DTNA: variants seen among roughly 807,000 people sequenced by gnomAD.
The protein encoded by DTNA is dystrophin-related protein 3.
Under a neutral mutation model 100.7 loss-of-function variants are expected in DTNA, and 43 were observed. The ratio of observed to expected loss-of-function variants is 0.43; its 90% CI spans 0.33 to 0.55. The LOEUF (loss-of-function observed/expected upper bound fraction) is 0.55, where lower values mean the gene tolerates loss of function less well. DTNA is among the 20% of genes least tolerant of loss of function. The pLI, the probability that DTNA is intolerant of heterozygous loss-of-function variation, is 0.04. For missense variants in DTNA, 798 were observed against 953.9 expected (o/e 0.84, Z 2.15); for synonymous variants, 349 against 347.9 (o/e 1.00, Z -0.04).
At chr18:34,696,889 T>C (rs889050990) in intron 1 of DTNA, among the ~76,000 whole-genome samples, 2 of 152,294 alleles carry the variant, frequency 1.3e-5, no homozygotes, top group Middle Eastern at 3.4e-3. Context: ...CCCACTTTAC[T>C]CTAAAGCAGT....
chr18:34,674,374 G>A (rs2077147548), intron 1 of DTNA, among the ~76,000 whole-genome samples: 2 of 152,184 alleles, frequency 1.3e-5, no homozygotes, highest in Non-Finnish European at 2.9e-5. Flanking sequence ...ACTGTGCTGT[G>A]TGTCAACAAA....
chr18:34,735,674 C>A (rs1568359070), intron 1 of DTNA, among the ~76,000 whole-genome samples: 1 of 152,098 alleles, frequency 6.6e-6, no homozygotes, highest in Non-Finnish European at 1.5e-5. Flanking sequence ...TTTCCCTGGA[C>A]CTAACATTTT....
intron 11 of DTNA, among the ~76,000 whole-genome samples, chr18:34,831,615 A>G (rs921460211): frequency 6.6e-6 from 1 of 152,182 alleles, no homozygotes; most frequent in African/African-American, 2.4e-5. Flanking sequence ...TAAAAATACA[A>G]AAGTTGGCCA....
intron 1 of DTNA, among the ~76,000 whole-genome samples, chr18:34,751,655 G>A (rs2092333307): frequency 6.6e-6 from 1 of 152,052 alleles, no homozygotes; most frequent in Non-Finnish European, 1.5e-5. Flanking sequence ...TTTTTCATCT[G>A]GAAAATTCCC....
intron 11 of DTNA, among the ~76,000 whole-genome samples, chr18:34,829,989 A>G (rs1189848587): frequency 6.6e-6 from 1 of 152,194 alleles, no homozygotes; most frequent in Non-Finnish European, 1.5e-5. Context: ...TTCCTAATGA[A>G]GTAACAATTT....
In DTNA at chr18:34,819,379, C is replaced by T. The variant is rs761172777; in HGVS notation, c.876+1049C>T. The stretch of plus-strand genomic sequence containing the variant: ...CAGTTCTTCACTAAGGAAGAGTATA[C>T]TGAGAACTTGCCAATTCCAATGCAA... On this transcript the variant is annotated intron_variant, in intron 8 of 22. Coordinates refer to ENST00000444659, the MANE Select transcript of DTNA (RefSeq NM_001386795.1). Among the ~76,000 whole-genome samples the T allele has an allele frequency of 7.2e-5, 11 of 152,296 alleles. 1 individual carries two copies. In the South Asian group the frequency reaches 1.0e-3, roughly 14 times the overall value.
At chr18:34,791,626 C>T (rs2094747405) in intron 3 of DTNA, among the ~76,000 whole-genome samples, 1 of 152,084 alleles carries the variant, frequency 6.6e-6, no homozygotes, top group African/African-American at 2.4e-5. Context: ...TTGATTAATT[C>T]TTGATATACA....
At chr18:34,534,970 T>C (rs1482303421) in intron 1 of DTNA, among the ~76,000 whole-genome samples, 2 of 152,188 alleles carry the variant, frequency 1.3e-5, no homozygotes, top group East Asian at 3.9e-4. Context: ...CATGTGTCTT[T>C]ATAGTAGAAT....
At chr18:34,793,288 C>T (rs564727369) in intron 3 of DTNA, among the ~76,000 whole-genome samples, 18 of 152,228 alleles carry the variant, frequency 1.2e-4, no homozygotes, top group Admixed American at 2.6e-4. Context: ...CATAACAAGA[C>T]CTCAGGGCAA....
At chr18:34,638,847 G>T (rs2058940624) in intron 1 of DTNA, among the ~76,000 whole-genome samples, 1 of 151,996 alleles carries the variant, frequency 6.6e-6, no homozygotes, top group Non-Finnish European at 1.5e-5. Flanking sequence ...TTGTTTGTTT[G>T]TTTTGTTTTT....
chr18:34,880,325 C>T (rs2096860314), intron 20 of DTNA, among the ~76,000 whole-genome samples: 1 of 152,182 alleles, frequency 6.6e-6, no homozygotes, highest in Admixed American at 6.5e-5. Flanking sequence ...ACTAGACTTT[C>T]TGTGACCCTG....
intron 1 of DTNA, among the ~76,000 whole-genome samples, chr18:34,712,485 C>A (rs1156298132): frequency 6.6e-6 from 1 of 152,092 alleles, no homozygotes; most frequent in East Asian, 1.9e-4. Flanking sequence ...TGTGTAAAAA[C>A]CAAGATATGC....
At chr18:34,858,143 C>A in intron 15 of DTNA, 142 bp from the exon 16 acceptor site, 1 of 747,734 alleles carries the variant, frequency 1.3e-6, no homozygotes, top group Middle Eastern at 3.3e-4. Context: ...ACACTGGAAT[C>A]TGTTGGTTAG....
At chr18:34,580,913 G>A (rs533325347) in intron 1 of DTNA, among the ~76,000 whole-genome samples, 60 of 152,298 alleles carry the variant, frequency 3.9e-4, no homozygotes, top group Non-Finnish European at 6.3e-4. Context: ...TGGGGCCTCA[G>A]TATTCTAATC....
intron 1 of DTNA, among the ~76,000 whole-genome samples, chr18:34,611,731 T>G (rs2054251244): frequency 6.6e-6 from 1 of 152,164 alleles, no homozygotes. Context: ...GGTTCTCCCC[T>G]TAGCTGTGTG....
Position 34,863,862 on chromosome 18 carries a change from C to G in DTNA, c.1647-104C>G. 18 of 1,105,062 alleles carry G rather than the reference C, an allele frequency of 1.6e-5. No homozygotes were observed. In the South Asian group the frequency reaches 2.4e-4, roughly 15 times the overall value. The allele number at this position is 1,105,062 out of a possible 1,614,324, so 68.5% of individuals were successfully genotyped here. A position where few individuals can be genotyped will look rare whatever the true frequency, so the allele number is the denominator to read the frequency against. On this transcript the variant is annotated intron_variant, in intron 16 of 22. Coordinates refer to ENST00000444659, the MANE Select transcript of DTNA (RefSeq NM_001386795.1). ...CTGCCTGGTAACCTTGTCAGAGACC[C>G]AGAGATGCCCTTTTTCTGACAGTCC...
intron 1 of DTNA, among the ~76,000 whole-genome samples, chr18:34,732,415 G>A (rs2088507725): frequency 6.6e-6 from 1 of 152,154 alleles, no homozygotes; most frequent in African/African-American, 2.4e-5. Context: ...CAAAGACACT[G>A]GATTTGCAGT....
Position 34,877,723 on chromosome 18 carries a change from A to G in DTNA, c.1908A>G (p.Ser636=), listed in dbSNP as rs1473249393. ...ATTATTTCTTCTTCCCTGAAGGTTC[A>G]AGAAGAAACTTAAGGAATGACTTGC... is the stretch of plus-strand genomic sequence containing the variant. ...GDVQEAFAQS[S]RRNLRNDLLV... The change falls in exon 19 of 23, where the codon TCA becomes TCG. Residue 636 remains serine (S), a synonymous_variant. Transcript: ENST00000444659. 1 of 1,613,454 alleles carries G rather than the reference A, an allele frequency of 6.2e-7. No individual in the cohort carries two copies. The highest frequency in any genetic ancestry group is 8.5e-7 in the Non-Finnish European group (1 of 1,179,594).
chr18:34,717,267 A>T (rs2084254086), intron 1 of DTNA, among the ~76,000 whole-genome samples: 1 of 152,236 alleles, frequency 6.6e-6, no homozygotes, highest in Admixed American at 6.5e-5. Flanking sequence ...TAATTGAAAT[A>T]GCCACGTGTG....
Sources: allele counts gnomAD v4.1 joint callset (sites outside exome capture counted in the v4.1 genomes callset), GRCh38; gene constraint gnomAD v4.1.1; transcripts MANE v1.5; gene names NCBI Gene and HGNC (gene_info 2026-07-23, HGNC 2026-07-21).